EPHA6: variants seen among roughly 807,000 people sequenced by gnomAD.
EPHA6 encodes the protein EPH receptor A6.
EPHA6 carries 50 observed loss-of-function variants against 112.0 expected under a neutral mutation model. The observed-to-expected ratio is 0.45, with a 90% CI of 0.36 to 0.56. The LOEUF (loss-of-function observed/expected upper bound fraction) is 0.56. Among genes scored for constraint, EPHA6 ranks in the 20% least tolerant of loss-of-function variants. EPHA6 has a pLI of 0.00. For missense variants in EPHA6, 1,280 were observed against 1,417.4 expected (o/e 0.90, Z 1.56); for synonymous variants, 529 against 490.7 (o/e 1.08, Z -1.03).
At chr3:97,605,667 G>T (rs2093675503) in intron 12 of EPHA6, among the ~76,000 whole-genome samples, 1 of 151,694 alleles carries the variant, frequency 6.6e-6, no homozygotes, top group South Asian at 2.1e-4. Context: ...AGTATAGTTT[G>T]AAGTTGGGTA....
At chr3:97,028,297 A>G (rs888616699) in intron 3 of EPHA6, among the ~76,000 whole-genome samples, 6 of 152,138 alleles carry the variant, frequency 3.9e-5, no homozygotes, top group African/African-American at 1.4e-4. Flanking sequence ...CATTTGCAAG[A>G]TGAAGATAAT....
At chr3:97,332,022 A>G (rs537295736) in intron 5 of EPHA6, among the ~76,000 whole-genome samples, 1 of 152,280 alleles carries the variant, frequency 6.6e-6, no homozygotes, top group South Asian at 2.1e-4. Context: ...AATACTGGCA[A>G]ACAGAATCCA....
At chr3:96,892,129 T>A (rs1018902219) in intron 2 of EPHA6, among the ~76,000 whole-genome samples, 7 of 152,238 alleles carry the variant, frequency 4.6e-5, no homozygotes, top group African/African-American at 1.7e-4. Context: ...AGCCATTGAC[T>A]TCATATAGAG....
At chr3:97,321,327 C>T (rs1038424109) in intron 5 of EPHA6, among the ~76,000 whole-genome samples, 2 of 151,884 alleles carry the variant, frequency 1.3e-5, no homozygotes, top group African/African-American at 2.4e-5. Flanking sequence ...AAACACTAAG[C>T]CCATGAATAC....
chr3:97,609,597 C>T (rs537985282), intron 12 of EPHA6, among the ~76,000 whole-genome samples: 1 of 151,474 alleles, frequency 6.6e-6, no homozygotes, highest in Non-Finnish European at 1.5e-5. Flanking sequence ...TTTATTAATA[C>T]ATTTAACCTT....
intron 2 of EPHA6, among the ~76,000 whole-genome samples, chr3:96,882,294 G>A (rs544553525): frequency 1.3e-5 from 2 of 152,296 alleles, no homozygotes; most frequent in South Asian, 2.1e-4. Context: ...ACATCCAGGT[G>A]TTTCCATACA....
chr3:97,732,711 A>T (rs1011379857), intron 15 of EPHA6, among the ~76,000 whole-genome samples: 16 of 152,086 alleles, frequency 1.1e-4, no homozygotes, highest in African/African-American at 3.9e-4. Flanking sequence ...GATAACAATT[A>T]TACCTACCTC....
At chr3:97,078,538 T>G (rs978143205) in intron 3 of EPHA6, among the ~76,000 whole-genome samples, 4 of 152,210 alleles carry the variant, frequency 2.6e-5, no homozygotes, top group Non-Finnish European at 5.9e-5. Flanking sequence ...GTCTAACATG[T>G]AAGTCTTTAA....
intron 5 of EPHA6, among the ~76,000 whole-genome samples, chr3:97,311,742 T>A (rs2081573591): frequency 6.6e-6 from 1 of 151,744 alleles, no homozygotes; most frequent in Non-Finnish European, 1.5e-5. Context: ...TGGTTCTTCT[T>A]TTTGAGATCT....
intron 6 of EPHA6, among the ~76,000 whole-genome samples, chr3:97,423,816 G>T (rs1035290998): frequency 6.6e-6 from 1 of 152,146 alleles, no homozygotes; most frequent in Non-Finnish European, 1.5e-5. Flanking sequence ...CTAGACTAAT[G>T]CAACAGGTTA....
intron 14 of EPHA6, among the ~76,000 whole-genome samples, chr3:97,703,714 A>T (rs2033524836): frequency 6.6e-6 from 1 of 152,192 alleles, no homozygotes. Flanking sequence ...TCATGGTAAC[A>T]GTAACTGCTG....
chr3:97,307,188 C>G (rs1387647245), intron 5 of EPHA6, among the ~76,000 whole-genome samples: 1 of 151,676 alleles, frequency 6.6e-6, no homozygotes, highest in Non-Finnish European at 1.5e-5. Context: ...CTTTTCACTA[C>G]CAGTTTGGAT....
intron 5 of EPHA6, among the ~76,000 whole-genome samples, chr3:97,352,394 A>G (rs1323337184): frequency 6.6e-6 from 1 of 152,190 alleles, no homozygotes; most frequent in Non-Finnish European, 1.5e-5. Context: ...GAGGCAGTGA[A>G]GAGGGTAGGA....
intron 5 of EPHA6, among the ~76,000 whole-genome samples, chr3:97,253,704 A>G (rs754150319): frequency 6.6e-6 from 1 of 152,108 alleles, no homozygotes; most frequent in Non-Finnish European, 1.5e-5. Context: ...TTTTACAAAA[A>G]TTATCTTCTG....
rs958763643 is a variant in EPHA6 at position 97,320,834 on chromosome 3, A to T, written c.1606+76547A>T. 2.7e-5 allele frequency among the ~76,000 whole-genome samples: 4 copies of T among 150,764 alleles called. 1 individual carries two copies. The highest frequency in any genetic ancestry group is 3.9e-4 in the East Asian group (2 of 5,166). The stretch of plus-strand genomic sequence containing the variant: ...CTGGGGGCAAAAAATAAAAAAAATA[A>T]AAAAAAAGGGATGAATTTAATTACA... On this transcript the variant is annotated intron_variant, in intron 5 of 17. Coordinates refer to ENST00000389672, the MANE Select transcript of EPHA6 (RefSeq NM_001080448.3).
Position 97,272,712 on chromosome 3 carries a change from G to A in EPHA6, c.1606+28425G>A, listed in dbSNP as rs187939134. ...CTTTTGAGCCAGGAAAAGGAATTTC[G>A]CAAGGTAATGTCATCAGTTAAGGCA... On this transcript the variant is annotated intron_variant, in intron 5 of 17. Transcript: ENST00000389672. Among the ~76,000 whole-genome samples, 597 of 152,088 alleles carry A rather than the reference G, an allele frequency of 3.9e-3. 4 individuals are homozygous for A. The highest frequency in any genetic ancestry group is 0.013 in the African/African-American group (550 of 41,474).
chr3:97,630,782 G>T (rs924673835), intron 13 of EPHA6, among the ~76,000 whole-genome samples: 11 of 151,884 alleles, frequency 7.2e-5, no homozygotes, highest in Non-Finnish European at 1.5e-4. Flanking sequence ...GACTTGCCCC[G>T]GGCAAAAATT....
intron 14 of EPHA6, among the ~76,000 whole-genome samples, chr3:97,692,421 G>T (rs1299427913): frequency 6.6e-6 from 1 of 152,068 alleles, no homozygotes; most frequent in African/African-American, 2.4e-5. Context: ...GAGGGCATTT[G>T]AAAAACAAGG....
At position 97,175,309 on chromosome 3, in the gene EPHA6, A is replaced by G. The variant is rs576033125; in HGVS notation, c.1115-50955A>G. Among the ~76,000 whole-genome samples, 16 of 152,102 alleles carry G rather than the reference A, an allele frequency of 1.1e-4. 1 individual carries two copies. In the East Asian group the frequency reaches 3.1e-3, roughly 29 times the overall value. On this transcript the variant is annotated intron_variant, in intron 3 of 17. Coordinates refer to ENST00000389672, the MANE Select transcript of EPHA6 (RefSeq NM_001080448.3). ...GTTTTGGTTACTATAGCTCTGTAGC[A>G]TAACTTGAAGTCAGGTAATGTGATT...
Sources: allele counts gnomAD v4.1 joint callset (sites outside exome capture counted in the v4.1 genomes callset), GRCh38; gene constraint gnomAD v4.1.1; transcripts MANE v1.5; gene names NCBI Gene and HGNC (gene_info 2026-07-23, HGNC 2026-07-21).